Variants in LRRC49 observed in about 807,000 individuals in gnomAD.
LRRC49 encodes the protein leucine-rich repeat-containing protein 49.
LRRC49 carries 50 observed loss-of-function variants against 83.3 expected under a neutral mutation model. The ratio of observed to expected loss-of-function variants is 0.60; its 90% CI spans 0.48 to 0.76. The LOEUF (loss-of-function observed/expected upper bound fraction) is 0.76. Ranked by LOEUF, LRRC49 falls within the 30% of genes least tolerant of loss-of-function variation. The probability of loss-of-function intolerance (pLI) is 0.00; values close to 1 mark genes in which losing one functional copy is unlikely to be tolerated. For missense variants in LRRC49, 704 were observed against 809.1 expected (o/e 0.87, Z 1.58); for synonymous variants, 286 against 283.3 (o/e 1.01, Z -0.10).
At chr15:70,867,423 T>C (rs2032936697) in intron 1 of LRRC49, among the ~76,000 whole-genome samples, 1 of 152,038 alleles carries the variant, frequency 6.6e-6, no homozygotes, top group Non-Finnish European at 1.5e-5. Context: ...GTCCAAGAGA[T>C]GACGGGAATG....
intron 9 of LRRC49, among the ~76,000 whole-genome samples, chr15:70,975,023 G>A (rs566270062): frequency 1.3e-5 from 2 of 152,316 alleles, no homozygotes; most frequent in East Asian, 3.9e-4. Context: ...AATTAATTAT[G>A]AGATGTGATT....
intron 8 of LRRC49, among the ~76,000 whole-genome samples, chr15:70,939,743 T>G (rs1181720727): frequency 2.6e-5 from 4 of 152,124 alleles, no homozygotes; most frequent in Non-Finnish European, 5.9e-5. Flanking sequence ...TAAAATAGTC[T>G]TCTCTGCCGG....
chr15:70,966,628 T>C (rs2036804823), intron 9 of LRRC49, among the ~76,000 whole-genome samples: 1 of 152,126 alleles, frequency 6.6e-6, no homozygotes, highest in African/African-American at 2.4e-5. Flanking sequence ...TCTATTTACA[T>C]ATATTATTTT....
At chr15:70,947,132 T>G (rs530538467) in intron 8 of LRRC49, among the ~76,000 whole-genome samples, 1 of 152,302 alleles carries the variant, frequency 6.6e-6, no homozygotes, top group South Asian at 2.1e-4. Flanking sequence ...AATGACCTAC[T>G]TCAGGGATTA....
intron 2 of LRRC49, among the ~76,000 whole-genome samples, chr15:70,878,725 C>G (rs564405182): frequency 3.1e-4 from 47 of 152,262 alleles, no homozygotes; most frequent in African/African-American, 9.9e-4. Flanking sequence ...TGATTTTTCT[C>G]TTTCGTTCTC....
chr15:70,874,727 T>C (rs1272148829), intron 2 of LRRC49, among the ~76,000 whole-genome samples: 1 of 152,142 alleles, frequency 6.6e-6, no homozygotes, highest in African/African-American at 2.4e-5. Context: ...AGGACTGACA[T>C]ATATGTGAAA....
At chr15:71,028,726 T>C (rs2039252976) in intron 14 of LRRC49, among the ~76,000 whole-genome samples, 1 of 152,188 alleles carries the variant, frequency 6.6e-6, no homozygotes, top group Admixed American at 6.5e-5. Context: ...TCTAGTTTAT[T>C]GGCATAGAGA....
chr15:70,896,754 A>G (rs1419516234), intron 3 of LRRC49, among the ~76,000 whole-genome samples: 1 of 152,106 alleles, frequency 6.6e-6, no homozygotes, highest in Non-Finnish European at 1.5e-5. Context: ...TAGGTTGTTC[A>G]TGTTATTACT....
chr15:71,031,937 G>T (rs976091662), intron 14 of LRRC49, among the ~76,000 whole-genome samples: 1 of 152,176 alleles, frequency 6.6e-6, no homozygotes, highest in African/African-American at 2.4e-5. Flanking sequence ...GACTCTGTGG[G>T]AGTGGGACCC....
intron 8 of LRRC49, among the ~76,000 whole-genome samples, chr15:70,960,094 A>C (rs1384974669): frequency 6.6e-6 from 1 of 152,226 alleles, no homozygotes; most frequent in East Asian, 1.9e-4. Context: ...TGTAAAGTCT[A>C]ATCAAAGTTT....
intron 9 of LRRC49, among the ~76,000 whole-genome samples, chr15:70,971,769 T>C (rs975450919): frequency 1.3e-5 from 2 of 152,018 alleles, no homozygotes; most frequent in Admixed American, 1.3e-4. Flanking sequence ...AAAGTCTGTT[T>C]TGTCAGAGAC....
intron 8 of LRRC49, among the ~76,000 whole-genome samples, chr15:70,955,895 G>T (rs1281828527): frequency 2.0e-5 from 3 of 151,998 alleles, no homozygotes; most frequent in Non-Finnish European, 4.4e-5. Context: ...TTTTATGTTT[G>T]TCAGTTGTGT....
intron 6 of LRRC49, among the ~76,000 whole-genome samples, chr15:70,916,851 G>C (rs1266706853): frequency 6.6e-6 from 1 of 152,188 alleles, no homozygotes. Flanking sequence ...CGCCCTCCTG[G>C]GTACAGCTGC....
intron 8 of LRRC49, among the ~76,000 whole-genome samples, chr15:70,954,097 G>A (rs1278240920): frequency 6.6e-6 from 1 of 152,100 alleles, no homozygotes; most frequent in African/African-American, 2.4e-5. Flanking sequence ...GTTTTGCCAT[G>A]TTGGACAGGC....
intron 7 of LRRC49, among the ~76,000 whole-genome samples, chr15:70,925,214 A>G (rs145495814): frequency 3.3e-5 from 5 of 152,138 alleles, no homozygotes; most frequent in African/African-American, 1.2e-4. Context: ...TTGGTACTGT[A>G]TGTTTTGAGT....
intron 8 of LRRC49, among the ~76,000 whole-genome samples, chr15:70,962,061 T>C (rs1200760153): frequency 2.0e-5 from 3 of 152,204 alleles, no homozygotes; most frequent in Non-Finnish European, 4.4e-5. Context: ...AAAGCAATTA[T>C]ACCTAATCAT....
chr15:70,947,350 A>G (rs371482670), intron 8 of LRRC49, among the ~76,000 whole-genome samples: 6 of 152,200 alleles, frequency 3.9e-5, no homozygotes, highest in Non-Finnish European at 5.9e-5. Context: ...GTTGAAGAAC[A>G]TTGATTATGT....
Position 70,855,115 on chromosome 15 carries a change from C to T in LRRC49, c.-299+1646C>T, listed in dbSNP as rs532425463. Among the ~76,000 whole-genome samples the T allele has an allele frequency of 7.2e-5, 11 of 152,144 alleles. No homozygotes were observed. The East Asian group carries it at 2.1e-3, about 29-fold the overall frequency. Reference sequence around the variant, plus strand: ...TTGGGAGGCCCAGGCGGGCGGATCACGAGGTCAAGAGATCGAGACCATCCT... The same window carrying T: ...TTGGGAGGCCCAGGCGGGCGGATCATGAGGTCAAGAGATCGAGACCATCCT... On this transcript the variant is annotated intron_variant, in intron 1 of 16. Coordinates refer to the LRRC49 transcript ENST00000544974.
intron 6 of LRRC49, among the ~76,000 whole-genome samples, chr15:70,912,524 C>A (rs1339535484): frequency 6.6e-6 from 1 of 151,942 alleles, no homozygotes. Flanking sequence ...TGTCAGACTT[C>A]TTAATTTTTT....
Sources: allele counts gnomAD v4.1 joint callset (sites outside exome capture counted in the v4.1 genomes callset), GRCh38; gene constraint gnomAD v4.1.1; transcripts MANE v1.5; gene names NCBI Gene and HGNC (gene_info 2026-07-23, HGNC 2026-07-21).